Variants in CUX1 observed in about 807,000 individuals in gnomAD.
CUX1 encodes the protein cut like homeobox 1, also known as protein CASP.
In CUX1, 31 loss-of-function variants were observed where a neutral mutation model predicts 158.8. The observed-to-expected ratio is 0.20, with a 90% CI of 0.15 to 0.26. The LOEUF (loss-of-function observed/expected upper bound fraction) is 0.26. Ranked by LOEUF, CUX1 falls within the 10% of genes least tolerant of loss-of-function variation. The pLI, the probability that CUX1 is intolerant of heterozygous loss-of-function variation, is 1.00. For missense variants in CUX1, 1,589 were observed against 2,014.6 expected (o/e 0.79, Z 4.04); for synonymous variants, 879 against 862.1 (o/e 1.02, Z -0.34).
chr7:102,070,597 C>T (rs531419780), intron 4 of CUX1, among the ~76,000 whole-genome samples, 180 bp downstream of exon 4: 2 of 152,244 alleles, frequency 1.3e-5, no homozygotes, highest in East Asian at 1.9e-4. Flanking sequence ...ACTTTGGGTA[C>T]GGAGGGAAAT....
intron 2 of CUX1, among the ~76,000 whole-genome samples, chr7:101,969,115 G>T (rs1389720205): frequency 1.3e-5 from 2 of 151,664 alleles, no homozygotes; most frequent in East Asian, 3.9e-4. Flanking sequence ...ATCACTTGAG[G>T]CCAGGAGTTT....
chr7:101,872,020 C>CAAAAAAA (rs957631886), intron 1 of CUX1, among the ~76,000 whole-genome samples: 1 of 142,010 alleles, frequency 7.0e-6, no homozygotes, highest in Non-Finnish European at 1.5e-5. Flanking sequence ...TCCATCCCCC[C>CAAAAAAA]AAAAAAAAAA....
chr7:101,984,144 ATATATG>A (rs144423343), intron 2 of CUX1, among the ~76,000 whole-genome samples: 7,629 of 87,106 alleles, frequency 0.088, 767 homozygotes, highest in Non-Finnish European at 0.12. Flanking sequence ...ACACACATAT[ATATATG>A]TGTGTGTGTG....
intron 13 of CUX1, 170 bp downstream of exon 13, chr7:102,194,060 T>C: frequency 1.4e-6 from 1 of 711,708 alleles, no homozygotes; most frequent in Non-Finnish European, 2.4e-6. Flanking sequence ...TCTTTTTTTT[T>C]TTGTCTCCTT....
intron 1 of CUX1, among the ~76,000 whole-genome samples, chr7:101,828,723 C>T (rs1477721583): frequency 6.6e-6 from 1 of 152,042 alleles, no homozygotes; most frequent in Non-Finnish European, 1.5e-5. Flanking sequence ...TTCATTTAGT[C>T]TAAGAAACTA....
chr7:102,249,214 C>T lies in CUX1; in HGVS notation c.*172C>T, dbSNP rs1554538733. The T allele has an allele frequency of 4.5e-6, 5 of 1,105,958 alleles. No homozygotes were observed. In the African/African-American group the frequency reaches 5.0e-5, roughly 11 times the overall value. The allele number at this position is 1,105,958 out of a possible 1,614,324, so 68.5% of individuals were successfully genotyped here. On this transcript the variant is annotated 3_prime_UTR_variant, in exon 24 of 24. Transcript: ENST00000292535. ...CCCCTCCACGGTCCGCGGCCTGCACCGACCCGAGGCCCAGATCCAAGGCCG... is the reference window on the plus strand; with the variant it reads ...CCCCTCCACGGTCCGCGGCCTGCACTGACCCGAGGCCCAGATCCAAGGCCG...
In CUX1 at chr7:102,201,538, C is replaced by T. The variant is rs781892801; in HGVS notation, c.2241C>T (p.Ser747=). The change falls in exon 18 of 24, where the codon TCC becomes TCT. Residue 747 remains serine, a synonymous_variant. Coordinates refer to ENST00000292535, the MANE Select transcript of CUX1 (RefSeq NM_181552.4). The surrounding 1 kb of genome is among the most constrained non-coding windows in gnomAD (Gnocchi z 5.0). ...DITILTPKLL[S]TSPMPTVSSY... ...CCATCCTCACCCCCAAGCTTCTGTC[C>T]ACCTCGCCCATGCCCACCGTGTCCA... The T allele has an allele frequency of 1.2e-5, 19 of 1,614,148 alleles. No homozygotes were observed. The Admixed American group carries it at 3.0e-4, about 25-fold the overall frequency.
intron 19 of CUX1, 47 bp from the exon 20 acceptor site, chr7:102,205,067 C>A: frequency 7.5e-7 from 1 of 1,337,206 alleles, no homozygotes; most frequent in Non-Finnish European, 1.1e-6. Flanking sequence ...AAGCTTTAAG[C>A]CCTGGGCCGC....
chr7:101,825,798 T>TGTGC (rs1362738281), intron 1 of CUX1, among the ~76,000 whole-genome samples: 478 of 78,398 alleles, frequency 6.1e-3, no homozygotes, highest in South Asian at 0.01. Context: ...TGTGTGTGTG[T>TGTGC]GCGCGCGCGC....
chr7:101,852,618 A>C (rs1796386196), intron 1 of CUX1, among the ~76,000 whole-genome samples: 1 of 151,872 alleles, frequency 6.6e-6, no homozygotes, highest in South Asian at 2.1e-4. Flanking sequence ...AACCTGTTGC[A>C]ACAAATAAAA....
chr7:101,863,281 C>G (rs1797642252), intron 1 of CUX1, among the ~76,000 whole-genome samples: 1 of 151,016 alleles, frequency 6.6e-6, no homozygotes, highest in Admixed American at 6.6e-5. Context: ...CAAGAAAATC[C>G]AAGTGAGATT....
chr7:102,079,353 G>T (rs537181370), intron 4 of CUX1, among the ~76,000 whole-genome samples: 1 of 151,796 alleles, frequency 6.6e-6, no homozygotes, highest in East Asian at 1.9e-4. Context: ...CACGAGAATC[G>T]CTTGAACCTG....
chr7:102,220,190 A>C (rs1554526416), intron 20 of CUX1, among the ~76,000 whole-genome samples: 1 of 152,082 alleles, frequency 6.6e-6, no homozygotes, highest in Non-Finnish European at 1.5e-5. Flanking sequence ...GCGAAATCCC[A>C]TCTCTACTAA....
chr7:101,859,005 G>T (rs937102162), intron 1 of CUX1, among the ~76,000 whole-genome samples: 1 of 152,072 alleles, frequency 6.6e-6, no homozygotes, highest in Admixed American at 6.6e-5. Flanking sequence ...GAAGAAATCC[G>T]GTATTGTTTG....
Position 102,239,510 on chromosome 7 carries a change from A to G in CUX1, c.3813A>G (p.Pro1271=), listed in dbSNP as rs1554534106. ...RAYQQKPYPS[P]KTIEDLATQL... is the part of the protein sequence containing the mutation. Reference sequence around the variant, plus strand: ...ATCAGCAAAAGCCATACCCGTCACCAAAAACCATCGAAGACCTCGCCACCC... The same window carrying G: ...ATCAGCAAAAGCCATACCCGTCACCGAAAACCATCGAAGACCTCGCCACCC... Residue 1271 remains proline (P), a synonymous_variant, in exon 23 of 24, where the codon CCA becomes CCG. Coordinates refer to ENST00000292535, the MANE Select transcript of CUX1 (RefSeq NM_181552.4). 1 of 1,614,082 alleles carries G rather than the reference A, an allele frequency of 6.2e-7. No individual in the cohort carries two copies. The highest frequency in any genetic ancestry group is 1.7e-5 in the Admixed American group (1 of 60,020).
chr7:101,867,662 A>C (rs1387614339), intron 1 of CUX1, among the ~76,000 whole-genome samples: 1 of 152,220 alleles, frequency 6.6e-6, no homozygotes, highest in Non-Finnish European at 1.5e-5. Flanking sequence ...GCATTCTGGA[A>C]GGTACCTCCC....
At chr7:101,996,284 A>G (rs1246540513) in intron 2 of CUX1, among the ~76,000 whole-genome samples, 1 of 151,022 alleles carries the variant, frequency 6.6e-6, no homozygotes, top group Non-Finnish European at 1.5e-5. Flanking sequence ...CCTCTGCTCT[A>G]GGTGTGTACT....
chr7:102,128,453 C>T (rs1832881010), intron 8 of CUX1, among the ~76,000 whole-genome samples: 2 of 150,996 alleles, frequency 1.3e-5, no homozygotes, highest in African/African-American at 4.9e-5. Context: ...CTTGCACTTT[C>T]TTGCCCAGTT....
chr7:102,080,055 C>A (rs1447057253), intron 4 of CUX1, among the ~76,000 whole-genome samples: 3 of 152,206 alleles, frequency 2.0e-5, no homozygotes, highest in Admixed American at 2.0e-4. Context: ...GAGGAATTGG[C>A]CACCACTGTT....
Sources: allele counts gnomAD v4.1 joint callset (sites outside exome capture counted in the v4.1 genomes callset), GRCh38; gene constraint gnomAD v4.1.1; non-coding constraint Gnocchi (gnomAD v3.1); transcripts MANE v1.5; gene names NCBI Gene and HGNC (gene_info 2026-07-23, HGNC 2026-07-21).